Variants in NRG1 observed in about 807,000 individuals in gnomAD.
NRG1 encodes the protein pro-neuregulin-1, membrane-bound isoform.
Under a neutral mutation model 63.8 loss-of-function variants are expected in NRG1, and 18 were observed. The observed-to-expected ratio is 0.28, with a 90% CI of 0.19 to 0.42. The LOEUF (loss-of-function observed/expected upper bound fraction) is 0.42, where lower values mean the gene tolerates loss of function less well. Ranked by LOEUF, NRG1 falls within the 10% of genes least tolerant of loss-of-function variation. The probability of loss-of-function intolerance (pLI) is 1.00; values close to 1 mark genes in which losing one functional copy is unlikely to be tolerated. For missense variants in NRG1, 762 were observed against 814.7 expected (o/e 0.94, Z 0.79); for synonymous variants, 302 against 301.3 (o/e 1.00, Z -0.02).
chr8:32,424,311 A>T (rs1449391347), intron 1 of NRG1, among the ~76,000 whole-genome samples: 1 of 151,874 alleles, frequency 6.6e-6, no homozygotes, highest in Non-Finnish European at 1.5e-5. Flanking sequence ...GAAAGCACTC[A>T]CCCTGGGCCT....
rs577433241 is a variant in NRG1, at chr8:31,853,505, T to C, written c.37+214074T>C. On this transcript the variant is annotated intron_variant, in intron 1 of 10. Coordinates refer to the NRG1 transcript ENST00000519301. ...GAAGTTGCTTATCAGCTTAAGGAGATTTTGGGCTGAGACGATGGGGTTTTC... is the reference window on the plus strand; with the variant it reads ...GAAGTTGCTTATCAGCTTAAGGAGACTTTGGGCTGAGACGATGGGGTTTTC... 1.5e-4 allele frequency among the ~76,000 whole-genome samples: 22 copies of C among 150,308 alleles called. No homozygotes were observed. The South Asian group carries it at 4.5e-3, about 31-fold the overall frequency.
intron 5 of NRG1, among the ~76,000 whole-genome samples, chr8:32,633,012 C>A (rs1850619543): frequency 6.6e-6 from 1 of 152,054 alleles, no homozygotes; most frequent in Non-Finnish European, 1.5e-5. Flanking sequence ...AGATATATAT[C>A]TATATGCATG....
chr8:31,731,414 T>TCTTA (rs1554517423), intron 1 of NRG1, among the ~76,000 whole-genome samples: 1 of 87,756 alleles, frequency 1.1e-5, no homozygotes, highest in Non-Finnish European at 2.3e-5. Flanking sequence ...CAAAATTATG[T>TCTTA]CATACACACA....
At chr8:32,048,440 T>TAC (rs1383049605) in intron 1 of NRG1, among the ~76,000 whole-genome samples, 4 of 5,664 alleles carry the variant, frequency 7.1e-4, no homozygotes, top group African/African-American at 1.1e-3. Flanking sequence ...TACACATATA[T>TAC]ACATACATAT....
chr8:32,157,682 G>A (rs1487564412), intron 1 of NRG1, among the ~76,000 whole-genome samples: 1 of 148,620 alleles, frequency 6.7e-6, no homozygotes, highest in Admixed American at 6.7e-5. Flanking sequence ...TTAAATATAT[G>A]TTTATAAATA....
chr8:31,723,495 C>A (rs1813126062), intron 1 of NRG1, among the ~76,000 whole-genome samples: 1 of 152,034 alleles, frequency 6.6e-6, no homozygotes, highest in African/African-American at 2.4e-5. Flanking sequence ...GTTGTCCAGG[C>A]TGGAGTATAT....
At chr8:31,820,564 A>T (rs1563442500) in intron 1 of NRG1, among the ~76,000 whole-genome samples, 1 of 152,178 alleles carries the variant, frequency 6.6e-6, no homozygotes, top group Non-Finnish European at 1.5e-5. Flanking sequence ...AAATGTGAAC[A>T]TGTTCACAGA....
intron 1 of NRG1, among the ~76,000 whole-genome samples, chr8:32,452,744 A>G (rs1821123984): frequency 6.6e-6 from 1 of 152,218 alleles, no homozygotes; most frequent in Non-Finnish European, 1.5e-5. Context: ...AGAATATGGT[A>G]TCTATCTCTG....
rs545962868 is a variant in NRG1, at chr8:32,612,632, C to A, written c.401-1882C>A. Among the ~76,000 whole-genome samples the A allele has an allele frequency of 1.1e-4, 16 of 151,960 alleles. No homozygotes were observed. The South Asian group carries it at 3.1e-3, about 30-fold the overall frequency. Reference sequence around the variant, plus strand: ...AAATGAAACATTATGGTTAACCTTCCCTCTAATCTGAGGTATTTTTTGCTG... The same window carrying A: ...AAATGAAACATTATGGTTAACCTTCACTCTAATCTGAGGTATTTTTTGCTG... On this transcript the variant is annotated intron_variant, in intron 3 of 11. Transcript: ENST00000356819.
intron 7 of NRG1, among the ~76,000 whole-genome samples, chr8:32,743,559 AACTT>A (rs1826827453): frequency 1.0e-5 from 1 of 97,946 alleles, no homozygotes; most frequent in South Asian, 3.6e-4. Flanking sequence ...ATATATATAA[AACTT>A]AAGGCAAAAC....
intron 1 of NRG1, among the ~76,000 whole-genome samples, chr8:31,858,818 A>T (rs913996784): frequency 6.6e-6 from 1 of 152,172 alleles, no homozygotes; most frequent in East Asian, 1.9e-4. Flanking sequence ...TGCACAACCA[A>T]CACTTCAGAA....
intron 1 of NRG1, among the ~76,000 whole-genome samples, chr8:32,249,941 T>C (rs1216179500): frequency 6.6e-6 from 1 of 151,366 alleles, no homozygotes; most frequent in African/African-American, 2.4e-5. Flanking sequence ...AAAACGGGAG[T>C]CATCCAGAAG....
intron 1 of NRG1, among the ~76,000 whole-genome samples, chr8:31,911,232 G>A (rs1227241273): frequency 1.3e-5 from 2 of 152,080 alleles, no homozygotes; most frequent in South Asian, 4.1e-4. Context: ...TCCTAAACTT[G>A]TATATATACC....
At chr8:32,648,714 C>T (rs889390802) in intron 5 of NRG1, among the ~76,000 whole-genome samples, 3 of 152,164 alleles carry the variant, frequency 2.0e-5, no homozygotes, top group Non-Finnish European at 4.4e-5. Flanking sequence ...TAAAACATCA[C>T]GCCATCTCTT....
intron 7 of NRG1, among the ~76,000 whole-genome samples, chr8:32,748,358 C>CACACACAGAGAGAG (rs748763782): frequency 1.0e-3 from 128 of 122,000 alleles, no homozygotes; most frequent in Admixed American, 1.6e-3. Context: ...CACACACACA[C>CACACACAGAGAGAG]AGAGAGAGAG....
At chr8:32,716,281 C>G (rs1187465492) in intron 5 of NRG1, among the ~76,000 whole-genome samples, 1 of 152,168 alleles carries the variant, frequency 6.6e-6, no homozygotes, top group Non-Finnish European at 1.5e-5. Context: ...TGGCAAATCT[C>G]AACTGAAGAC....
At chr8:32,119,144 T>C (rs28479727) in intron 1 of NRG1, among the ~76,000 whole-genome samples, 79,289 of 151,898 alleles carry the variant, frequency 0.52, 22,728 homozygotes, top group Admixed American at 0.64. Context: ...TAGAAGGTTC[T>C]ATTATTTAAT....
chr8:32,057,692 G>A (rs1057229599), intron 1 of NRG1, among the ~76,000 whole-genome samples: 1 of 152,034 alleles, frequency 6.6e-6, no homozygotes, highest in Admixed American at 6.6e-5. Context: ...CAGTCTTTTT[G>A]AACTTTTCAC....
intron 1 of NRG1, among the ~76,000 whole-genome samples, chr8:32,521,205 G>C (rs372484435): frequency 6.6e-6 from 1 of 152,092 alleles, no homozygotes; most frequent in African/African-American, 2.4e-5. Context: ...TGTGGATAAC[G>C]GGGACCACTG....
Sources: gnomAD v4.1 joint callset for allele counts (sites outside exome capture counted in the v4.1 genomes callset) on GRCh38, gnomAD v4.1.1 for gene constraint, MANE v1.5 for transcripts, NCBI Gene and HGNC (gene_info 2026-07-23, HGNC 2026-07-21) for gene names.